ZSWIM5: variants seen among roughly 807,000 people sequenced by gnomAD.
ZSWIM5 encodes zinc finger SWIM domain-containing protein 5.
Under a neutral mutation model 119.6 loss-of-function variants are expected in ZSWIM5, and 55 were observed. That is an observed-to-expected ratio of 0.46 (90% CI 0.37 to 0.58). The LOEUF is 0.58. Among genes scored for constraint, ZSWIM5 ranks in the 20% least tolerant of loss-of-function variants. The pLI is 0.00. For synonymous variants in ZSWIM5, 537 were observed against 606.9 expected, an observed-to-expected ratio of 0.88 and a Z score of 1.69; for missense variants, 1,193 against 1,512.8, an observed-to-expected ratio of 0.79 and a Z score of 3.51.
intron 1 of ZSWIM5, among the ~76,000 whole-genome samples, chr1:45,185,020 C>A (rs2149050628): frequency 6.6e-6 from 1 of 152,218 alleles, no homozygotes; most frequent in South Asian, 2.1e-4. Context: ...CTACAGTAAC[C>A]AAAACAGAAT....
Position 45,157,795 on chromosome 1 carries a change from T to C in ZSWIM5, c.595+47961A>G, listed in dbSNP as rs555600028. On this transcript the variant is annotated intron_variant, in intron 1 of 13. Coordinates refer to ENST00000359600, the MANE Select transcript of ZSWIM5 (RefSeq NM_020883.2). ...ATACCATTTATATTCCCAATGACAA[T>C]GTATGTCTGAGACTTCTGAATGCTC... is the stretch of plus-strand genomic sequence containing the variant. Among the ~76,000 whole-genome samples, 130 of 152,312 alleles carry C rather than the reference T, an allele frequency of 8.5e-4. 1 individual carries two copies. Among genetic ancestry groups the C allele is most frequent in the African/African-American group, 3.0e-3 (125 of 41,566 alleles).
At position 45,168,619 on chromosome 1, in the gene ZSWIM5, C is replaced by T. The variant is rs369630823; in HGVS notation, c.595+37137G>A. On this transcript the variant is annotated intron_variant, in intron 1 of 13. Transcript: ENST00000359600. The stretch of plus-strand genomic sequence containing the variant: ...GACAGAAGTTGCAGTGAGCTGAGAT[C>T]GCGCCACTGCACTCCAGCCTGGGCG... Among the ~76,000 whole-genome samples, 8 of 144,490 alleles carry T rather than the reference C, an allele frequency of 5.5e-5. No individual in the cohort carries two copies. The East Asian group carries it at 1.2e-3, about 22-fold the overall frequency. The allele number at this position is 144,490 out of a possible 152,430, so 94.8% of individuals were successfully genotyped here.
Position 45,109,551 on chromosome 1 carries a change from C to CCG in ZSWIM5, c.596-21316_596-21315dup, listed in dbSNP as rs375897654. On this transcript the variant is annotated intron_variant, in intron 1 of 13. Transcript: ENST00000359600. Reference sequence around the variant, plus strand: ...ACGAGGTCAGGAGTTCAAGACCAGCCCGCCCAACATGGTGAAACCCTGTCT... The same window carrying CCG: ...ACGAGGTCAGGAGTTCAAGACCAGCCCGCGCCCAACATGGTGAAACCCTGTCT... Among the ~76,000 whole-genome samples, 680 of 152,170 alleles carry CCG rather than the reference C, an allele frequency of 4.5e-3. 8 individuals carry two copies. Among genetic ancestry groups the CCG allele is most frequent in the African/African-American group, 0.015 (642 of 41,510 alleles).
At chr1:45,135,653 A>G (rs979975732) in intron 1 of ZSWIM5, among the ~76,000 whole-genome samples, 3 of 152,234 alleles carry the variant, frequency 2.0e-5, no homozygotes, top group Non-Finnish European at 4.4e-5. Context: ...AAGAATTAAG[A>G]TTAGTGAATT....
rs748105437 is a variant in ZSWIM5, at chr1:45,018,167, A to G, written c.*287T>C. ...GTGTTTGCCAAGGGAGACAGGGCCA[A>G]TGCTCAGGACACGCAGGATATAGGG... On this transcript the variant is annotated 3_prime_UTR_variant, in exon 14 of 14. Transcript: ENST00000359600. The surrounding 1 kb of genome is among the most constrained non-coding windows in gnomAD (Gnocchi z 6.7). The G allele has an allele frequency of 1.6e-4, 75 of 458,184 alleles. 1 individual carries two copies. Among genetic ancestry groups the G allele is most frequent in the Admixed American group, 6.0e-4 (16 of 26,730 alleles). 28.4% of individuals were successfully genotyped at this position (458,184 alleles called of 1,614,324 possible).
intron 1 of ZSWIM5, among the ~76,000 whole-genome samples, chr1:45,132,522 T>C (rs1175929207): frequency 6.6e-6 from 1 of 152,170 alleles, no homozygotes; most frequent in Non-Finnish European, 1.5e-5. Flanking sequence ...CACTTATAAA[T>C]TAAATAGCAC....
intron 1 of ZSWIM5, among the ~76,000 whole-genome samples, chr1:45,143,670 A>G (rs1295427757): frequency 6.6e-6 from 1 of 152,190 alleles, no homozygotes; most frequent in Non-Finnish European, 1.5e-5. Flanking sequence ...TAGCTGGTGC[A>G]ACACAAGAAG....
intron 2 of ZSWIM5, among the ~76,000 whole-genome samples, chr1:45,068,384 G>C (rs1331314522): frequency 6.6e-6 from 1 of 151,860 alleles, no homozygotes; most frequent in Non-Finnish European, 1.5e-5. Context: ...GGGATTACAG[G>C]TGTGAGCCAC....
rs534599856 is a variant in ZSWIM5 at position 45,160,989 on chromosome 1, A to ATTTTTTTTTTTTTTTTTTTTT, written c.595+44766_595+44767insAAAAAAAAAAAAAAAAAAAAA. Among the ~76,000 whole-genome samples, 11 of 122,656 alleles carry ATTTTTTTTTTTTTTTTTTTTT rather than the reference A, an allele frequency of 9.0e-5. 1 individual carries two copies. Among genetic ancestry groups the ATTTTTTTTTTTTTTTTTTTTT allele is most frequent in the Admixed American group, 1.7e-4 (2 of 11,950 alleles). The allele number at this position is 122,656 out of a possible 152,430, so 80.5% of individuals were successfully genotyped here. A position where few individuals can be genotyped will look rare whatever the true frequency, so the allele number is the denominator to read the frequency against. Reference sequence around the variant, plus strand: ...AGCGCCTGCCACCATGCCCGGCTAAATTTTTTTTTTTTTTTTTAGTAGAGA... The same window carrying ATTTTTTTTTTTTTTTTTTTTT: ...AGCGCCTGCCACCATGCCCGGCTAAATTTTTTTTTTTTTTTTTTTTTTTTTTTTTTTTTTTTTTAGTAGAGA... On this transcript the variant is annotated intron_variant, in intron 1 of 13. Coordinates refer to ENST00000359600, the MANE Select transcript of ZSWIM5 (RefSeq NM_020883.2).
At chr1:45,084,641 G>T (rs1369647386) in intron 2 of ZSWIM5, among the ~76,000 whole-genome samples, 1 of 152,218 alleles carries the variant, frequency 6.6e-6, no homozygotes, top group Non-Finnish European at 1.5e-5. Context: ...AGCCAAAAGA[G>T]AGGGCCTACA....
At chr1:45,126,584 A>G (rs1294610626) in intron 1 of ZSWIM5, among the ~76,000 whole-genome samples, 1 of 152,144 alleles carries the variant, frequency 6.6e-6, no homozygotes, top group African/African-American at 2.4e-5. Context: ...AAATTATTTT[A>G]CTGGAGAATC....
chr1:45,075,666 A>T (rs962420720), intron 2 of ZSWIM5, among the ~76,000 whole-genome samples: 3 of 151,878 alleles, frequency 2.0e-5, no homozygotes, highest in Admixed American at 6.6e-5. Flanking sequence ...CCATCCAGCC[A>T]CTTTATGTCT....
chr1:45,073,948 T>C (rs1431924583), intron 2 of ZSWIM5, among the ~76,000 whole-genome samples: 1 of 152,012 alleles, frequency 6.6e-6, no homozygotes, highest in African/African-American at 2.4e-5. Flanking sequence ...TGAAGAGATG[T>C]TGGATTTTAT....
At chr1:45,056,776 A>C (rs1645126342) in intron 4 of ZSWIM5, among the ~76,000 whole-genome samples, 1 of 152,204 alleles carries the variant, frequency 6.6e-6, no homozygotes, top group African/African-American at 2.4e-5. Flanking sequence ...TTGGCCTTTC[A>C]TGACAGCAGA....
intron 1 of ZSWIM5, among the ~76,000 whole-genome samples, chr1:45,184,189 A>T (rs9429147): frequency 0.16 from 24,223 of 152,086 alleles, 2,588 homozygotes; most frequent in African/African-American, 0.3. Flanking sequence ...CCTTTGACAA[A>T]ATTCAACAAC....
At position 45,196,384 on chromosome 1, in the gene ZSWIM5, C is replaced by CTTTTTTTTT. The variant is rs767673983; in HGVS notation, c.595+9363_595+9371dup. ...AAACCAAGATTGAAGCCCACAATTC[C>CTTTTTTTTT]TTTTTTTTTTTTTTTTTTTTTTTGA... is the stretch of plus-strand genomic sequence containing the variant. On this transcript the variant is annotated intron_variant, in intron 1 of 13. Coordinates refer to ENST00000359600, the MANE Select transcript of ZSWIM5 (RefSeq NM_020883.2). Among the ~76,000 whole-genome samples, 19 of 76,382 alleles carry CTTTTTTTTT rather than the reference C, an allele frequency of 2.5e-4. 1 individual carries two copies. The highest frequency in any genetic ancestry group is 4.7e-4 in the Non-Finnish European group (19 of 40,210). 50.1% of individuals were successfully genotyped at this position (76,382 alleles called of 152,430 possible). A position where few individuals can be genotyped will look rare whatever the true frequency, so the allele number is the denominator to read the frequency against.
At chr1:45,098,235 G>C (rs1362945189) in intron 1 of ZSWIM5, among the ~76,000 whole-genome samples, 2 of 152,208 alleles carry the variant, frequency 1.3e-5, no homozygotes, top group African/African-American at 2.4e-5. Context: ...TGGAGCTGTA[G>C]AGTCAGGCAG....
intron 2 of ZSWIM5, among the ~76,000 whole-genome samples, chr1:45,079,523 C>G (rs906038184): frequency 1.3e-5 from 2 of 152,184 alleles, no homozygotes; most frequent in Non-Finnish European, 2.9e-5. Context: ...GCAGTGCACT[C>G]CCCAGTGGCC....
chr1:45,087,817 G>A lies in ZSWIM5; in HGVS notation c.952+64C>T, dbSNP rs562332401. 1.1e-4 allele frequency: 129 copies of A among 1,190,434 alleles called. 1 individual carries two copies. In the Admixed American group the frequency reaches 2.1e-3, roughly 20 times the overall value. 73.7% of individuals were successfully genotyped at this position (1,190,434 alleles called of 1,614,324 possible). ...AAAGCAACAAAGTAGAGGTAAGAGG[G>A]TTGCTTTGGTGACAGTGGTGATGAA... On this transcript the variant is annotated intron_variant, in intron 2 of 13. Coordinates refer to ENST00000359600, the MANE Select transcript of ZSWIM5 (RefSeq NM_020883.2).
Sources: allele counts gnomAD v4.1 joint callset (sites outside exome capture counted in the v4.1 genomes callset), GRCh38; gene constraint gnomAD v4.1.1; non-coding constraint Gnocchi (gnomAD v3.1); transcripts MANE v1.5; gene names NCBI Gene and HGNC (gene_info 2026-07-23, HGNC 2026-07-21).